Variants in CCDC178 observed in about 807,000 individuals in gnomAD.
The protein encoded by CCDC178 is coiled-coil domain-containing protein 178.
A neutral mutation model predicts 117.4 loss-of-function variants in CCDC178; 126 were observed. The observed-to-expected ratio is 1.07, with a 90% CI of 0.93 to 1.24. The LOEUF (loss-of-function observed/expected upper bound fraction) is 1.24. Ranked by LOEUF, CCDC178 falls within the 50% of genes most tolerant of loss-of-function variation. The pLI is 0.00. For missense variants in CCDC178, 1,030 were observed against 986.9 expected, an observed-to-expected ratio of 1.04 and a Z score of -0.59; for synonymous variants, 283 against 313.4, an observed-to-expected ratio of 0.90 and a Z score of 1.02.
intron 21 of CCDC178, among the ~76,000 whole-genome samples, chr18:33,004,222 CAT>C (rs2055704097): frequency 6.6e-6 from 1 of 152,090 alleles, no homozygotes; most frequent in Non-Finnish European, 1.5e-5. Flanking sequence ...TCAGAGCTAT[CAT>C]GTGCAAAAAG....
intron 14 of CCDC178, among the ~76,000 whole-genome samples, chr18:33,258,480 G>C (rs1378345058): frequency 6.6e-6 from 1 of 152,158 alleles, no homozygotes; most frequent in African/African-American, 2.4e-5. Context: ...TGCTAAAGCA[G>C]AGTCCTCAAC....
chr18:33,098,759 T>C (rs908236905), intron 20 of CCDC178, among the ~76,000 whole-genome samples: 1 of 152,062 alleles, frequency 6.6e-6, no homozygotes. Flanking sequence ...GTTTATTTAA[T>C]CATTTGTTTA....
At chr18:33,124,362 G>C (rs1188162638) in intron 20 of CCDC178, among the ~76,000 whole-genome samples, 2 of 152,134 alleles carry the variant, frequency 1.3e-5, no homozygotes, top group Non-Finnish European at 2.9e-5. Context: ...GGACCTGTGA[G>C]TCCTGATTCC....
intron 11 of CCDC178, among the ~76,000 whole-genome samples, chr18:33,304,929 T>G (rs2062228365): frequency 6.6e-6 from 1 of 152,222 alleles, no homozygotes; most frequent in South Asian, 2.1e-4. Context: ...CTTTTGATTT[T>G]AATGTTCAAC....
chr18:33,028,579 A>G (rs944040251), intron 21 of CCDC178, among the ~76,000 whole-genome samples: 1 of 151,598 alleles, frequency 6.6e-6, no homozygotes, highest in Admixed American at 6.6e-5. Context: ...TTTGGTTTTT[A>G]TTTTTTTGAT....
Position 33,242,770 on chromosome 18 carries a change from G to C in CCDC178, c.1593+2475C>G, listed in dbSNP as rs1367202967. Among the ~76,000 whole-genome samples the C allele has an allele frequency of 5.3e-5, 8 of 152,022 alleles. No individual in the cohort carries two copies. The East Asian group carries it at 1.4e-3, about 26-fold the overall frequency. ...ATGAAAAAATAACAAATGCTGGTGAGATGTGGAAAAAAGAGAATTCATATA... is the reference window on the plus strand; with the variant it reads ...ATGAAAAAATAACAAATGCTGGTGACATGTGGAAAAAAGAGAATTCATATA... On this transcript the variant is annotated intron_variant, in intron 15 of 22. Coordinates refer to ENST00000383096, the MANE Select transcript of CCDC178 (RefSeq NM_001105528.4).
chr18:33,383,314 T>A (rs948522667), intron 5 of CCDC178, among the ~76,000 whole-genome samples: 1 of 152,070 alleles, frequency 6.6e-6, no homozygotes, highest in Non-Finnish European at 1.5e-5. Flanking sequence ...TCTGAAGAGA[T>A]CAGCTGATCC....
chr18:33,316,203 C>T (rs935032373), intron 11 of CCDC178, among the ~76,000 whole-genome samples: 2 of 152,326 alleles, frequency 1.3e-5, no homozygotes, highest in African/African-American at 4.8e-5. Context: ...GAGCCAGCTC[C>T]CTCAGCTTGT....
At chr18:33,365,302 T>C (rs1466006696) in intron 6 of CCDC178, among the ~76,000 whole-genome samples, 1 of 152,088 alleles carries the variant, frequency 6.6e-6, no homozygotes, top group Non-Finnish European at 1.5e-5. Context: ...AGTTTTCCAA[T>C]GAGAATGACA....
At chr18:33,131,363 C>A (rs1054891700) in intron 20 of CCDC178, among the ~76,000 whole-genome samples, 2 of 151,210 alleles carry the variant, frequency 1.3e-5, no homozygotes, top group Non-Finnish European at 3.0e-5. Context: ...AATACTTGTT[C>A]GTTATAAACT....
intron 15 of CCDC178, among the ~76,000 whole-genome samples, chr18:33,233,593 T>C (rs1249197994): frequency 6.6e-6 from 1 of 152,032 alleles, no homozygotes. Context: ...GTTTTTTTTT[T>C]ATCCTGAACA....
intron 14 of CCDC178, among the ~76,000 whole-genome samples, chr18:33,251,085 CTG>C (rs2059614799): frequency 6.6e-6 from 1 of 151,598 alleles, no homozygotes; most frequent in Non-Finnish European, 1.5e-5. Context: ...AGAGAATTAA[CTG>C]TGAGTTCACA....
intron 11 of CCDC178, among the ~76,000 whole-genome samples, chr18:33,298,873 T>C (rs949357038): frequency 6.6e-6 from 1 of 151,136 alleles, no homozygotes; most frequent in East Asian, 1.9e-4. Context: ...AAAAAGGCAA[T>C]CTCATTTAAA....
intron 21 of CCDC178, among the ~76,000 whole-genome samples, chr18:32,998,057 C>A (rs1290468742): frequency 6.6e-6 from 1 of 152,164 alleles, no homozygotes; most frequent in Non-Finnish European, 1.5e-5. Context: ...TTTCATAGCA[C>A]AGAAAAAGGC....
chr18:32,987,500 A>G (rs1248752779), intron 21 of CCDC178, among the ~76,000 whole-genome samples: 1 of 151,998 alleles, frequency 6.6e-6, no homozygotes, highest in African/African-American at 2.4e-5. Flanking sequence ...AATAAACTTG[A>G]TCTAGCATAT....
chr18:33,149,983 TC>T (rs2040671082), intron 20 of CCDC178, among the ~76,000 whole-genome samples: 1 of 152,122 alleles, frequency 6.6e-6, no homozygotes, highest in Admixed American at 6.6e-5. Flanking sequence ...TTACCTGACT[TC>T]AAATTATACT....
At chr18:32,976,025 G>T (rs940957665) in intron 21 of CCDC178, among the ~76,000 whole-genome samples, 4 of 151,948 alleles carry the variant, frequency 2.6e-5, no homozygotes, top group African/African-American at 9.7e-5. Flanking sequence ...ATTTGTGTTT[G>T]GTTCCCAGGA....
intron 2 of CCDC178, among the ~76,000 whole-genome samples, chr18:33,431,193 T>TG (rs1376549020): frequency 7.1e-6 from 1 of 140,474 alleles, no homozygotes; most frequent in Non-Finnish European, 1.5e-5. Context: ...TGATTTAACT[T>TG]TTTTTTTTTT....
At chr18:33,314,298 C>G (rs7242023) in intron 11 of CCDC178, among the ~76,000 whole-genome samples, 3 of 147,446 alleles carry the variant, frequency 2.0e-5, no homozygotes, top group African/African-American at 7.5e-5. Flanking sequence ...GCATTCAAAT[C>G]CTTAATTACT....
Sources: gnomAD v4.1 joint callset for allele counts (sites outside exome capture counted in the v4.1 genomes callset) on GRCh38, gnomAD v4.1.1 for gene constraint, MANE v1.5 for transcripts, NCBI Gene and HGNC (gene_info 2026-07-23, HGNC 2026-07-21) for gene names.